Variants in ASAP1 observed in about 807,000 individuals in gnomAD.
ASAP1 encodes arf-GAP with SH3 domain, ANK repeat and PH domain-containing protein 1.
A neutral mutation model predicts 145.2 loss-of-function variants in ASAP1; 43 were observed. The observed-to-expected ratio is 0.30, with a 90% confidence interval of 0.23 to 0.38. The LOEUF is 0.38. Among genes scored for constraint, ASAP1 ranks in the 10% least tolerant of loss-of-function variants. The pLI, the probability that ASAP1 is intolerant of heterozygous loss-of-function variation, is 1.00. For missense variants in ASAP1, 1,018 were observed against 1,355.3 expected, an observed-to-expected ratio of 0.75 and a Z score of 3.91; for synonymous variants, 546 against 515.5, an observed-to-expected ratio of 1.06 and a Z score of -0.80.
At chr8:130,061,730 G>A (rs763542099) in intron 27 of ASAP1, among the ~76,000 whole-genome samples, 2 of 152,174 alleles carry the variant, frequency 1.3e-5, no homozygotes, top group Non-Finnish European at 2.9e-5. Flanking sequence ...CCATACAAGG[G>A]ATACATAGTC....
At chr8:130,361,652 G>A in intron 2 of ASAP1, 1 of 1,495,286 alleles carries the variant, frequency 6.7e-7, no homozygotes, top group Non-Finnish European at 9.0e-7. Context: ...AATTTCAAAG[G>A]TTCACACCTC....
At chr8:130,361,641 C>G (rs10091130) in intron 2 of ASAP1, 1,171,006 of 1,455,510 alleles carry the variant, frequency 0.8, 473,855 homozygotes, top group African/African-American at 0.97. Context: ...TCTGCAATTA[C>G]AATTTCAAAG....
intron 3 of ASAP1, among the ~76,000 whole-genome samples, chr8:130,271,740 G>A (rs1414544994): frequency 6.6e-6 from 1 of 152,122 alleles, no homozygotes; most frequent in East Asian, 1.9e-4. Context: ...GTATCATTAG[G>A]AAATGGTTCC....
At chr8:130,228,155 G>A (rs1041872028) in intron 4 of ASAP1, among the ~76,000 whole-genome samples, 2 of 152,124 alleles carry the variant, frequency 1.3e-5, no homozygotes, top group Non-Finnish European at 2.9e-5. Flanking sequence ...CCTGAGAAAC[G>A]AAGGACTTGT....
intron 11 of ASAP1, among the ~76,000 whole-genome samples, chr8:130,160,436 A>G (rs2097666738): frequency 6.6e-6 from 1 of 152,198 alleles, no homozygotes; most frequent in Admixed American, 6.5e-5. Context: ...GGAACCTTCT[A>G]AGCAAGGTTT....
intron 8 of ASAP1, among the ~76,000 whole-genome samples, chr8:130,180,105 T>G (rs1370873832): frequency 3.8e-5 from 5 of 130,028 alleles, no homozygotes; most frequent in African/African-American, 5.8e-5. Context: ...AAGGAGGGAA[T>G]AGAGAGAGAA....
chr8:130,355,464 T>C (rs1018714567), intron 3 of ASAP1, among the ~76,000 whole-genome samples: 2 of 152,204 alleles, frequency 1.3e-5, no homozygotes, highest in African/African-American at 4.8e-5. Flanking sequence ...GTTACCCAAA[T>C]TAATTCCTAT....
At chr8:130,325,637 T>G (rs1410961935) in intron 3 of ASAP1, among the ~76,000 whole-genome samples, 1 of 152,242 alleles carries the variant, frequency 6.6e-6, no homozygotes, top group Non-Finnish European at 1.5e-5. Flanking sequence ...AGTGAGACAC[T>G]AATACGTAAA....
intron 3 of ASAP1, among the ~76,000 whole-genome samples, chr8:130,267,340 G>C (rs1820325420): frequency 6.6e-6 from 1 of 152,198 alleles, no homozygotes; most frequent in South Asian, 2.1e-4. Flanking sequence ...AAGAATAGGG[G>C]AATAAATGGT....
intron 20 of ASAP1, 97 bp from the exon 21 acceptor site, chr8:130,117,092 T>C (rs963570792): frequency 4.0e-5 from 29 of 717,290 alleles, no homozygotes; most frequent in South Asian, 7.9e-5. Flanking sequence ...TGAGTCAAAT[T>C]TGAGACCTAA....
intron 3 of ASAP1, among the ~76,000 whole-genome samples, chr8:130,247,689 C>T (rs894522000): frequency 2.6e-5 from 4 of 152,088 alleles, no homozygotes; most frequent in Admixed American, 2.0e-4. Context: ...TGGGGTTGTG[C>T]CACCCAAGCA....
At chr8:130,127,051 G>T (rs1057221093) in intron 16 of ASAP1, among the ~76,000 whole-genome samples, 9 of 152,134 alleles carry the variant, frequency 5.9e-5, no homozygotes, top group Non-Finnish European at 1.2e-4. Context: ...AGTACAGCGG[G>T]AACACTCAGT....
intron 3 of ASAP1, among the ~76,000 whole-genome samples, chr8:130,323,553 A>C (rs778264811): frequency 1.1e-3 from 174 of 152,170 alleles, no homozygotes; most frequent in Non-Finnish European, 2.0e-3. Flanking sequence ...CCATCTGCAG[A>C]AGAGCTGAAA....
chr8:130,371,917 T>C (rs1434033328), intron 2 of ASAP1, among the ~76,000 whole-genome samples: 1 of 152,228 alleles, frequency 6.6e-6, no homozygotes, highest in South Asian at 2.1e-4. Flanking sequence ...ATGAAAATGC[T>C]GAACCAACTA....
At chr8:130,391,583 C>A (rs541003938) in intron 2 of ASAP1, among the ~76,000 whole-genome samples, 1 of 152,130 alleles carries the variant, frequency 6.6e-6, no homozygotes, top group Non-Finnish European at 1.5e-5. Context: ...TCAATCTATC[C>A]TGCTGCACCT....
chr8:130,154,942 G>T (rs947820018), intron 12 of ASAP1, among the ~76,000 whole-genome samples: 8 of 152,196 alleles, frequency 5.3e-5, no homozygotes, highest in Admixed American at 3.3e-4. Flanking sequence ...ACTAATCAGA[G>T]CCACATTTGG....
intron 1 of ASAP1, among the ~76,000 whole-genome samples, chr8:130,440,898 C>G (rs1197427983): frequency 2.0e-5 from 3 of 152,164 alleles, no homozygotes; most frequent in African/African-American, 7.2e-5. Context: ...GGTTTGTTTC[C>G]TTGATAACAA....
At chr8:130,391,079 A>G (rs752500632) in intron 2 of ASAP1, among the ~76,000 whole-genome samples, 1 of 152,236 alleles carries the variant, frequency 6.6e-6, no homozygotes, top group Non-Finnish European at 1.5e-5. Context: ...ATATGTACAT[A>G]CAATGGAATG....
intron 13 of ASAP1, among the ~76,000 whole-genome samples, chr8:130,147,052 C>G (rs1020558516): frequency 6.6e-6 from 1 of 151,690 alleles, no homozygotes; most frequent in Non-Finnish European, 1.5e-5. Context: ...ATGGTGAAAC[C>G]CCGTCTCTAC....
Sources: allele counts gnomAD v4.1 joint callset (sites outside exome capture counted in the v4.1 genomes callset), GRCh38; gene constraint gnomAD v4.1.1; transcripts MANE v1.5; gene names NCBI Gene and HGNC (gene_info 2026-07-23, HGNC 2026-07-21).